Variants in INPP4B observed in about 807,000 individuals in gnomAD.
INPP4B encodes inositol polyphosphate 4-phosphatase type II.
A neutral mutation model predicts 122.5 loss-of-function variants in INPP4B; 55 were observed. The observed-to-expected ratio is 0.45, with a 90% CI of 0.36 to 0.56. The LOEUF (loss-of-function observed/expected upper bound fraction) is 0.56, where lower values mean the gene tolerates loss of function less well. Among genes scored for constraint, INPP4B ranks in the 20% least tolerant of loss-of-function variants. INPP4B has a pLI of 0.00. For missense variants in INPP4B, 1,000 were observed against 1,097.7 expected, an observed-to-expected ratio of 0.91 and a Z score of 1.26; for synonymous variants, 403 against 388.7, an observed-to-expected ratio of 1.04 and a Z score of -0.43.
intron 12 of INPP4B, among the ~76,000 whole-genome samples, chr4:142,210,102 A>G (rs955435388): frequency 2.0e-5 from 3 of 152,182 alleles, no homozygotes; most frequent in Non-Finnish European, 4.4e-5. Context: ...ACCTTTTACC[A>G]ACAACATTTT....
chr4:142,254,745 G>T (rs1734708726), intron 11 of INPP4B, among the ~76,000 whole-genome samples: 1 of 152,212 alleles, frequency 6.6e-6, no homozygotes, highest in Non-Finnish European at 1.5e-5. Context: ...ACCTGAAAGT[G>T]ACGAGGAGAA....
chr4:142,323,801 C>CGG (rs1771237695), intron 7 of INPP4B, among the ~76,000 whole-genome samples: 1 of 151,502 alleles, frequency 6.6e-6, no homozygotes, highest in Non-Finnish European at 1.5e-5. Flanking sequence ...TGATACCTTC[C>CGG]AGCAGACAGG....
intron 7 of INPP4B, among the ~76,000 whole-genome samples, chr4:142,385,302 T>G (rs536987120): frequency 9.2e-4 from 140 of 152,284 alleles, no homozygotes; most frequent in East Asian, 3.9e-4. Context: ...ATAGCCATTC[T>G]GACTGGTGTG....
At chr4:142,140,414 AAC>A in intron 18 of INPP4B, among the ~76,000 whole-genome samples, 1 of 152,346 alleles carries the variant, frequency 6.6e-6, no homozygotes, top group African/African-American at 2.4e-5. Context: ...GAGCTGGTTG[AAC>A]ACACATCCCC....
In INPP4B at chr4:142,494,644, T is replaced by C. The variant is rs541719028; in HGVS notation, c.-190-31918A>G. On this transcript the variant is annotated intron_variant, in intron 2 of 25. Transcript: ENST00000262992. ...TTTTCTTTCCAAAACTTTAAAGATA[T>C]GGTTCTATTGTTTCCTGGCTGTTAT... Among the ~76,000 whole-genome samples, 41 of 152,336 alleles carry C rather than the reference T, an allele frequency of 2.7e-4. 1 individual carries two copies. Among genetic ancestry groups the C allele is most frequent in the Admixed American group, 2.2e-3 (33 of 15,294 alleles).
intron 2 of INPP4B, among the ~76,000 whole-genome samples, chr4:142,588,978 T>C (rs1736840451): frequency 6.6e-6 from 1 of 151,944 alleles, no homozygotes; most frequent in Non-Finnish European, 1.5e-5. Flanking sequence ...CATTGTGTTG[T>C]AATGGCAAAA....
intron 23 of INPP4B, among the ~76,000 whole-genome samples, chr4:142,098,659 G>C (rs336306): frequency 0.89 from 135,164 of 152,042 alleles, 61,813 homozygotes; most frequent in Non-Finnish European, 0.99. Context: ...GGCGACTCAA[G>C]GGTGGCTATT....
chr4:142,812,564 G>C (rs972014900), intron 1 of INPP4B, among the ~76,000 whole-genome samples: 1 of 151,922 alleles, frequency 6.6e-6, no homozygotes, highest in Non-Finnish European at 1.5e-5. Context: ...ACATAAGCAC[G>C]TGCTATTCAT....
At chr4:142,470,152 G>A (rs973463069) in intron 2 of INPP4B, among the ~76,000 whole-genome samples, 15 of 152,054 alleles carry the variant, frequency 9.9e-5, no homozygotes, top group African/African-American at 3.4e-4. Context: ...ACGCATAGCA[G>A]ATTGGGCTAC....
chr4:142,626,878 T>A (rs1746548578), intron 2 of INPP4B, among the ~76,000 whole-genome samples: 1 of 152,054 alleles, frequency 6.6e-6, no homozygotes, highest in African/African-American at 2.4e-5. Flanking sequence ...ATTTCTTCCA[T>A]TCTCTGGTAT....
In INPP4B at chr4:142,833,497, ATAT is replaced by A. The variant is rs563909340; in HGVS notation, c.-254+12709_-254+12711del. ...ATAACAATCATATTAATAGCTGTTG[ATAT>A]TATTAATACTATAATTTTATATATT... On this transcript the variant is annotated intron_variant, in intron 1 of 25. Coordinates refer to ENST00000262992, the MANE Select transcript of INPP4B (RefSeq NM_001101669.3). 1.6e-4 allele frequency among the ~76,000 whole-genome samples: 24 copies of A among 152,116 alleles called. No homozygotes were observed. In the South Asian group the frequency reaches 4.8e-3, roughly 30 times the overall value.
intron 12 of INPP4B, among the ~76,000 whole-genome samples, chr4:142,219,353 T>C (rs926543746): frequency 9.9e-5 from 15 of 152,212 alleles, no homozygotes; most frequent in Non-Finnish European, 1.5e-5. Flanking sequence ...TAAGTATGTC[T>C]TTTTCCAGAC....
chr4:142,464,148 T>C (rs1044423827), intron 2 of INPP4B, among the ~76,000 whole-genome samples: 2 of 152,142 alleles, frequency 1.3e-5, no homozygotes, highest in Admixed American at 6.6e-5. Flanking sequence ...ATTTTACTAC[T>C]ATATATCATG....
chr4:142,081,043 G>A (rs1773653537), intron 25 of INPP4B, among the ~76,000 whole-genome samples: 3 of 152,132 alleles, frequency 2.0e-5, no homozygotes, highest in Non-Finnish European at 4.4e-5. Context: ...AATGCCAAGA[G>A]ACATGAAATG....
chr4:142,653,912 C>T (rs1431468386), intron 2 of INPP4B, among the ~76,000 whole-genome samples: 1 of 152,180 alleles, frequency 6.6e-6, no homozygotes, highest in Non-Finnish European at 1.5e-5. Flanking sequence ...TATAAAGACA[C>T]ATGCACACAT....
intron 1 of INPP4B, among the ~76,000 whole-genome samples, chr4:142,741,438 C>T (rs1767885464): frequency 6.6e-6 from 1 of 152,014 alleles, no homozygotes; most frequent in South Asian, 2.1e-4. Context: ...GAGATATCTG[C>T]CCCCATGATC....
intron 22 of INPP4B, among the ~76,000 whole-genome samples, chr4:142,108,544 A>G (rs1482889290): frequency 2.0e-5 from 3 of 152,094 alleles, no homozygotes; most frequent in Non-Finnish European, 4.4e-5. Context: ...GTTTTAAAAA[A>G]CTTTTCTTAC....
intron 18 of INPP4B, among the ~76,000 whole-genome samples, chr4:142,140,079 A>T (rs2152824029): frequency 6.6e-6 from 1 of 152,352 alleles, no homozygotes; most frequent in East Asian, 1.9e-4. Context: ...GTGCCTTACA[A>T]GTTAAAAGGA....
intron 21 of INPP4B, among the ~76,000 whole-genome samples, chr4:142,118,785 T>G (rs1170243385): frequency 6.6e-6 from 1 of 152,060 alleles, no homozygotes; most frequent in Non-Finnish European, 1.5e-5. Flanking sequence ...AAAGCCAAAA[T>G]TGAGAAATGG....
Sources: allele counts gnomAD v4.1 joint callset (sites outside exome capture counted in the v4.1 genomes callset), GRCh38; gene constraint gnomAD v4.1.1; transcripts MANE v1.5; gene names NCBI Gene and HGNC (gene_info 2026-07-23, HGNC 2026-07-21).